ERGIC3: variants seen among roughly 807,000 people sequenced by gnomAD.
The protein encoded by ERGIC3 is endoplasmic reticulum-Golgi intermediate compartment protein 3.
ERGIC3 carries 33 observed loss-of-function variants against 54.7 expected under a neutral mutation model. The ratio of observed to expected loss-of-function variants is 0.60; its 90% CI spans 0.46 to 0.81. ERGIC3 has a LOEUF of 0.81. Among genes scored for constraint, ERGIC3 ranks in the 30% least tolerant of loss-of-function variants. The probability of loss-of-function intolerance (pLI) is 0.00; values close to 1 mark genes in which losing one functional copy is unlikely to be tolerated. For synonymous variants in ERGIC3, 186 were observed against 189.8 expected, an observed-to-expected ratio of 0.98 and a Z score of 0.16; for missense variants, 399 against 488.4, an observed-to-expected ratio of 0.82 and a Z score of 1.73.
chr20:35,548,208 G>T (rs1446832897), intron 5 of ERGIC3, among the ~76,000 whole-genome samples: 1 of 152,152 alleles, frequency 6.6e-6, no homozygotes, highest in African/African-American at 2.4e-5. Flanking sequence ...GGGCACAATG[G>T]CTTACACCTG....
chr20:35,557,505 T>A lies in ERGIC3; in HGVS notation c.*1T>A. 6.2e-7 allele frequency: 1 copy of A among 1,613,804 alleles called. No individual in the cohort carries two copies. ...AATTGATCTAGGGAAGACAACGTAG[T>A]CACCCTCGGTGCTTCCTCTGTCTCC... On this transcript the variant is annotated 3_prime_UTR_variant, in exon 13 of 13. Transcript: ENST00000348547.
At chr20:35,549,155 T>C (rs901884540) in intron 7 of ERGIC3, 5 of 512,254 alleles carry the variant, frequency 9.8e-6, no homozygotes, top group Non-Finnish European at 2.0e-5. Context: ...AGGGCACTTA[T>C]CTCACAGGGT....
At position 35,556,075 on chromosome 20, in the gene ERGIC3, G is replaced by A; in HGVS notation, c.760G>A (p.Asp254Asn). The A allele has an allele frequency of 6.2e-7, 1 of 1,614,116 alleles. No homozygotes were observed. The highest frequency in any genetic ancestry group is 8.5e-7 in the Non-Finnish European group (1 of 1,180,020). The change falls in exon 9 of 13, where the codon GAC becomes AAC. Residue 254 changes from aspartate to asparagine, a missense_variant. Asp to Asn is a conservative substitution (Grantham distance 23). Coordinates refer to ENST00000348547, the MANE Select transcript of ERGIC3 (RefSeq NM_015966.3). The part of the protein sequence containing the change: ...HYIQHLSFGE[D>N]YPGIVNPLDH... ...CATCCAGCACCTGTCATTTGGGGAGGACTATCCAGGCATTGTGAACCCCCT... is the reference window on the plus strand; with the variant it reads ...CATCCAGCACCTGTCATTTGGGGAGAACTATCCAGGCATTGTGAACCCCCT...
chr20:35,556,769 A>C (rs1336165824), intron 10 of ERGIC3: 2 of 669,876 alleles, frequency 3.0e-6, no homozygotes, highest in Non-Finnish European at 5.2e-6. Context: ...AAGACTTGGC[A>C]CCTGGAGGGG....
In ERGIC3 at chr20:35,547,522, C is replaced by T. The variant is rs1166112584; in HGVS notation, c.461+17C>T. On this transcript the variant is annotated intron_variant, in intron 5 of 12. Coordinates refer to ENST00000348547, the MANE Select transcript of ERGIC3 (RefSeq NM_015966.3). ...AGATATCAAGTGAGCTGGCGGGGAGCGGGAGCAGGGTTCCCATCAGGCGCC... is the reference window on the plus strand; with the variant it reads ...AGATATCAAGTGAGCTGGCGGGGAGTGGGAGCAGGGTTCCCATCAGGCGCC... 8 of 1,610,364 alleles carry T rather than the reference C, an allele frequency of 5.0e-6. No homozygotes were observed. In the Admixed American group the frequency reaches 6.7e-5, roughly 13 times the overall value.
intron 7 of ERGIC3, among the ~76,000 whole-genome samples, chr20:35,552,886 G>T (rs2064688605): frequency 6.6e-6 from 1 of 152,076 alleles, no homozygotes; most frequent in African/African-American, 2.4e-5. Context: ...GACAGAGGTA[G>T]TACAGGAGAG....
intron 7 of ERGIC3, chr20:35,549,213 T>C (rs776865221): frequency 6.3e-6 from 3 of 477,960 alleles, no homozygotes; most frequent in South Asian, 4.6e-5. Flanking sequence ...TTGTGGTAGG[T>C]ACTTGTTGAA....
At chr20:35,542,267 C>A in intron 1 of ERGIC3, 56 bp from the exon 2 acceptor site, 4 of 1,612,712 alleles carry the variant, frequency 2.5e-6, no homozygotes, top group Non-Finnish European at 2.5e-6. Flanking sequence ...ACTGGCCTGC[C>A]GGTGTCTGAG....
At chr20:35,551,871 G>A in intron 7 of ERGIC3, among the ~76,000 whole-genome samples, 1 of 152,178 alleles carries the variant, frequency 6.6e-6, no homozygotes, top group East Asian at 1.9e-4. Flanking sequence ...AGGAGTTGGA[G>A]CCAGTATTGA....
intron 7 of ERGIC3, chr20:35,554,466 T>A (rs1568872524): frequency 6.5e-7 from 1 of 1,545,888 alleles, no homozygotes; most frequent in Non-Finnish European, 8.9e-7. Flanking sequence ...GGAGGTTGGA[T>A]GGGGCTGTGA....
At chr20:35,553,389 A>G (rs2064693208) in intron 7 of ERGIC3, among the ~76,000 whole-genome samples, 1 of 151,928 alleles carries the variant, frequency 6.6e-6, no homozygotes, top group Non-Finnish European at 1.5e-5. Context: ...TGGAGAGAAG[A>G]TAGTCGCACG....
At position 35,557,559 on chromosome 20, in the gene ERGIC3, C is replaced by A; in HGVS notation, c.*55C>A. The A allele has an allele frequency of 6.7e-7, 1 of 1,490,102 alleles. No homozygotes were observed. The allele number at this position is 1,490,102 out of a possible 1,614,324, so 92.3% of individuals were successfully genotyped here. ...TTCTCCCTGGCCTGTGGTTGTCCCC[C>A]AGCCTCTGCCACCCTCCACCTCCTC... On this transcript the variant is annotated 3_prime_UTR_variant, in exon 13 of 13. Transcript: ENST00000348547.
At chr20:35,557,322 G>A in intron 12 of ERGIC3, 73 bp downstream of exon 12, 1 of 1,611,084 alleles carries the variant, frequency 6.2e-7, no homozygotes, top group African/African-American at 1.3e-5. Flanking sequence ...TTTGGTTGGG[G>A]GTGAAGGGGC....
Position 35,542,881 on chromosome 20 carries a change from C to G in ERGIC3, c.307C>G (p.Leu103Val). The change falls in exon 4 of 13, where the codon CTG becomes GTG. Residue 103 changes from leucine to valine, a missense_variant. Coordinates refer to ENST00000348547, the MANE Select transcript of ERGIC3 (RefSeq NM_015966.3). ...ACAGCAGCTGGATGTGGAACACAACCTGTTCAAGCAACGACTAGATAAAGA... is the reference window on the plus strand; with the variant it reads ...ACAGCAGCTGGATGTGGAACACAACGTGTTCAAGCAACGACTAGATAAAGA... ...GEQQLDVEHN[L>V]FKQRLDKDGI... The G allele has an allele frequency of 1.2e-6, 2 of 1,614,114 alleles. No homozygotes were observed. Among genetic ancestry groups the G allele is most frequent in the Non-Finnish European group, 1.7e-6 (2 of 1,180,022 alleles).
At chr20:35,544,179 C>T (rs1408490610) in intron 4 of ERGIC3, 9 of 184,302 alleles carry the variant, frequency 4.9e-5, no homozygotes, top group East Asian at 1.6e-4. Context: ...CTCAACCTCC[C>T]GAGTAGCTGG....
chr20:35,546,133 G>A (rs2064647511), intron 4 of ERGIC3, among the ~76,000 whole-genome samples: 1 of 152,158 alleles, frequency 6.6e-6, no homozygotes, highest in Non-Finnish European at 1.5e-5. Context: ...AGTAAAATGA[G>A]GAGTGAGAAT....
At chr20:35,543,270 G>A (rs1469031381) in intron 4 of ERGIC3, 5 of 346,312 alleles carry the variant, frequency 1.4e-5, no homozygotes, top group East Asian at 7.2e-5. Context: ...TTCTTTGAGT[G>A]TTTGCTTTCC....
At chr20:35,554,731 G>T in intron 7 of ERGIC3, 1 of 591,754 alleles carries the variant, frequency 1.7e-6, no homozygotes, top group Non-Finnish European at 3.0e-6. Context: ...GTTAGTGAGA[G>T]CCCATAGTCG....
rs2064622404 is a variant in ERGIC3, at chr20:35,542,731, C to T, written c.248-91C>T. ...TCCTTCTCCTCATCCCGTTCTGCCC[C>T]AAGACAGGCCCAGTATCCCCTTCCC... is the stretch of plus-strand genomic sequence containing the variant. On this transcript the variant is annotated intron_variant, in intron 3 of 12. Transcript: ENST00000348547. 8 of 1,608,898 alleles carry T rather than the reference C, an allele frequency of 5.0e-6. No homozygotes were observed. In the South Asian group the frequency reaches 8.8e-5, roughly 18 times the overall value.
Sources: allele counts gnomAD v4.1 joint callset (sites outside exome capture counted in the v4.1 genomes callset), GRCh38; gene constraint gnomAD v4.1.1; transcripts MANE v1.5; gene names NCBI Gene and HGNC (gene_info 2026-07-23, HGNC 2026-07-21).